SESN2: variants seen among roughly 807,000 people sequenced by gnomAD.
SESN2 encodes sestrin 2.
Under a neutral mutation model 56.0 loss-of-function variants are expected in SESN2, and 42 were observed. The ratio of observed to expected loss-of-function variants is 0.75; its 90% CI spans 0.59 to 0.97. The LOEUF (loss-of-function observed/expected upper bound fraction) is 0.97, where lower values mean the gene tolerates loss of function less well. Ranked by LOEUF, SESN2 falls within the 50% of genes least tolerant of loss-of-function variation. The pLI is 0.00. For missense variants in SESN2, 507 were observed against 649.4 expected (o/e 0.78, Z 2.38); for synonymous variants, 264 against 267.1 (o/e 0.99, Z 0.11).
intron 8 of SESN2, 81 bp downstream of exon 8, chr1:28,275,096 T>C (rs1647984119): frequency 9.1e-7 from 1 of 1,097,364 alleles, no homozygotes. Flanking sequence ...CATTTTCTTT[T>C]TGTTTTTTTC....
At chr1:28,279,021 G>A in intron 8 of SESN2, 76 bp from the exon 9 acceptor site, 1 of 1,444,970 alleles carries the variant, frequency 6.9e-7, no homozygotes, top group Non-Finnish European at 9.7e-7. Context: ...TCTTCCCTCT[G>A]TAGGGTGGGG....
chr1:28,265,689 C>A (rs1647536491), intron 1 of SESN2, among the ~76,000 whole-genome samples: 2 of 152,172 alleles, frequency 1.3e-5, no homozygotes, highest in African/African-American at 4.8e-5. Flanking sequence ...GCCACTGCGC[C>A]CGGCCTGTTT....
At chr1:28,278,566 C>CA (rs2149040840) in intron 8 of SESN2, among the ~76,000 whole-genome samples, 1 of 152,186 alleles carries the variant, frequency 6.6e-6, no homozygotes, top group South Asian at 2.1e-4. Flanking sequence ...GACTCCGTCT[C>CA]AAAAGAAAAA....
intron 1 of SESN2, among the ~76,000 whole-genome samples, chr1:28,260,361 C>T (rs533765198): frequency 6.6e-6 from 1 of 152,172 alleles, no homozygotes; most frequent in Non-Finnish European, 1.5e-5. Flanking sequence ...GAGTCCCTTC[C>T]TCTTCGCGGG....
At chr1:28,275,266 TACTC>T (rs888369307) in intron 8 of SESN2, among the ~76,000 whole-genome samples, 14 of 151,216 alleles carry the variant, frequency 9.3e-5, no homozygotes, top group African/African-American at 1.7e-4. Context: ...CACACACACA[TACTC>T]ACACATATAT....
intron 1 of SESN2, among the ~76,000 whole-genome samples, chr1:28,261,648 A>T (rs1201460445): frequency 6.6e-6 from 1 of 152,178 alleles, no homozygotes; most frequent in African/African-American, 2.4e-5. Context: ...CTGAGATCAG[A>T]CACTGTACAC....
At chr1:28,263,382 A>AC (rs1429420041) in intron 1 of SESN2, among the ~76,000 whole-genome samples, 4 of 151,354 alleles carry the variant, frequency 2.6e-5, no homozygotes, top group Non-Finnish European at 5.9e-5. Flanking sequence ...ACTCACTCAC[A>AC]CCCCCTCCAC....
intron 1 of SESN2, among the ~76,000 whole-genome samples, chr1:28,260,647 G>A (rs570209327): frequency 1.1e-4 from 17 of 152,204 alleles, no homozygotes; most frequent in East Asian, 3.9e-4. Context: ...TGGTCTGAAG[G>A]CCCAGAAGTT....
At position 28,282,241 on chromosome 1, in the gene SESN2, C is replaced by T. The variant is rs1648273591; in HGVS notation, c.*1439C>T. 1 of 152,556 alleles carries T rather than the reference C, an allele frequency of 6.6e-6. No individual in the cohort carries two copies. Among genetic ancestry groups the T allele is most frequent in the Non-Finnish European group, 1.5e-5 (1 of 68,364 alleles). The allele number at this position is 152,556 out of a possible 1,614,324, so 9.5% of individuals were successfully genotyped here. On this transcript the variant is annotated 3_prime_UTR_variant, in exon 10 of 10. Transcript: ENST00000253063. ...GGAGAGGAGCCTGGCCAGTGTGCCA[C>T]ATTAAATACCCGTGCAGGCGCGGAG...
chr1:28,265,069 C>A (rs1223030258), intron 1 of SESN2, among the ~76,000 whole-genome samples: 1 of 152,134 alleles, frequency 6.6e-6, no homozygotes, highest in Non-Finnish European at 1.5e-5. Flanking sequence ...CCTTGTTCCT[C>A]ATCTGTAAAA....
chr1:28,280,647 G>A, intron 9 of SESN2, 69 bp from the exon 10 acceptor site: 1 of 1,234,318 alleles, frequency 8.1e-7, no homozygotes, highest in Non-Finnish European at 1.2e-6. Context: ...CAGGGATCAA[G>A]GCAGTCTGGG....
chr1:28,278,085 A>G (rs1648113238), intron 8 of SESN2, among the ~76,000 whole-genome samples: 1 of 152,138 alleles, frequency 6.6e-6, no homozygotes, highest in Non-Finnish European at 1.5e-5. Flanking sequence ...ACTCATCATC[A>G]ACTTGCTTTT....
At chr1:28,273,632 A>T in intron 6 of SESN2, 124 bp downstream of exon 6, 1 of 964,578 alleles carries the variant, frequency 1.0e-6, no homozygotes, top group Non-Finnish European at 1.5e-6. Flanking sequence ...AGAGGTTCTG[A>T]GCATGGGCCT....
rs373438471 is a variant in SESN2, at chr1:28,279,260, G to A, written c.1356+19G>A. On this transcript the variant is annotated intron_variant, in intron 9 of 9. Transcript: ENST00000253063. ...AGAGAAGGTATGACCTATACAGGCA[G>A]GGCAGGATGGAAGTAGACAGGCCAA... The A allele has an allele frequency of 1.8e-5, 29 of 1,613,400 alleles. No homozygotes were observed. In the South Asian group the frequency reaches 2.9e-4, roughly 16 times the overall value.
At chr1:28,263,491 G>A (rs753797002) in intron 1 of SESN2, among the ~76,000 whole-genome samples, 13 of 152,184 alleles carry the variant, frequency 8.5e-5, no homozygotes, top group Non-Finnish European at 1.5e-4. Context: ...ATTCAGCTGG[G>A]GGTGAGGGAA....
In SESN2 at chr1:28,272,395, C is replaced by G. The variant is rs1647813056; in HGVS notation, c.466C>G (p.Leu156Val). ...GGGCCTCCACCGGGCCCCCGAGAAG[C>G]TGCGCAAACTCAGCGAGATCAACAA... ...LLGLHRAPEK[L>V]RKLSEINKLL... The change falls in exon 4 of 10, where the codon CTG (leucine) becomes GTG (valine). Residue 156 changes from leucine to valine, a missense_variant. Leu to Val is a conservative substitution (Grantham distance 32, BLOSUM62 1). Coordinates refer to ENST00000253063, the MANE Select transcript of SESN2 (RefSeq NM_031459.5). The G allele has an allele frequency of 3.1e-6, 5 of 1,613,506 alleles. No individual in the cohort carries two copies. Among genetic ancestry groups the G allele is most frequent in the Non-Finnish European group, 4.2e-6 (5 of 1,180,024 alleles).
chr1:28,260,087 C>G, intron 1 of SESN2, 150 bp downstream of exon 1: 1 of 531,364 alleles, frequency 1.9e-6, no homozygotes, highest in Non-Finnish European at 3.2e-6. Flanking sequence ...AACTGGCAGC[C>G]GCGGCCCTCG....
chr1:28,266,810 A>T (rs1647574972), intron 1 of SESN2, among the ~76,000 whole-genome samples: 1 of 152,112 alleles, frequency 6.6e-6, no homozygotes, highest in African/African-American at 2.4e-5. Flanking sequence ...CTCTTGCCTC[A>T]GTGTCCCAAC....
Position 28,277,241 on chromosome 1 carries a change from C to T in SESN2, c.1212-1856C>T, listed in dbSNP as rs1375939735. 2.8e-5 allele frequency among the ~76,000 whole-genome samples: 4 copies of T among 145,384 alleles called. No individual in the cohort carries two copies. The Admixed American group carries it at 2.8e-4, about 10-fold the overall frequency. On this transcript the variant is annotated intron_variant, in intron 8 of 9. Transcript: ENST00000253063. Reference sequence around the variant, plus strand: ...TTTTTGAGACAGAGTCTTGCTCTGTCACCCAGGCTGGAGTAGAGTGGAGTG... The same window carrying T: ...TTTTTGAGACAGAGTCTTGCTCTGTTACCCAGGCTGGAGTAGAGTGGAGTG...
Sources: allele counts gnomAD v4.1 joint callset (sites outside exome capture counted in the v4.1 genomes callset), GRCh38; gene constraint gnomAD v4.1.1; transcripts MANE v1.5; gene names NCBI Gene and HGNC (gene_info 2026-07-23, HGNC 2026-07-21).